The following CASP9 variants were observed in gnomAD, a reference collection of about 807,000 sequenced individuals.
CASP9 encodes caspase-9.
Under a neutral mutation model 43.5 loss-of-function variants are expected in CASP9, and 29 were observed. The ratio of observed to expected loss-of-function variants is 0.67; its 90% CI spans 0.50 to 0.91. The LOEUF is 0.91. Ranked by LOEUF, CASP9 falls within the 40% of genes least tolerant of loss-of-function variation. The pLI is 0.00. For missense variants in CASP9, 575 were observed against 537.4 expected (o/e 1.07, Z -0.69); for synonymous variants, 206 against 211.9 (o/e 0.97, Z 0.24).
intron 6 of CASP9, among the ~76,000 whole-genome samples, chr1:15,503,550 C>G (rs931569194): frequency 7.2e-5 from 11 of 152,320 alleles, no homozygotes; most frequent in Admixed American, 2.0e-4. Context: ...TAACGCACAG[C>G]CTGGTATATA....
upstream of CASP9, chr1:15,524,313 CCCGGGT>C (rs1336115204): frequency 2.1e-6 from 3 of 1,460,048 alleles, no homozygotes; most frequent in Middle Eastern, 2.5e-4. Flanking sequence ...GCGTCACGGC[CCCGGGT>C]CAGTCTTCGC....
chr1:15,507,003 C>T lies in CASP9; in HGVS notation c.526G>A (p.Gly176Arg), dbSNP rs2308949. Residue 176 changes from glycine (G) to arginine (R), a missense_variant, in exon 4 of 9, where the codon GGG (glycine) becomes AGG (arginine). Coordinates refer to ENST00000333868, the MANE Select transcript of CASP9 (RefSeq NM_001229.5). ...INNVNFCRES[G>R]LRTRTGSNID... ...TTGGAGCCAGTGCGGGTGCGGAGCC[C>T]GGACTCACGGCAGAAGTTCACATTG... is the stretch of plus-strand genomic sequence containing the variant. 10 of 1,614,066 alleles carry T rather than the reference C, an allele frequency of 6.2e-6. No individual in the cohort carries two copies. Among genetic ancestry groups the T allele is most frequent in the South Asian group, 5.5e-5 (5 of 91,086 alleles).
At chr1:15,510,212 G>A (rs1028667178) in intron 2 of CASP9, among the ~76,000 whole-genome samples, 5 of 152,204 alleles carry the variant, frequency 3.3e-5, no homozygotes, top group East Asian at 1.9e-4. Context: ...TTACAGGCAT[G>A]AGCCACCACG....
chr1:15,495,340 G>T lies in CASP9; in HGVS notation c.981C>A (p.Asp327Glu). 3.1e-6 allele frequency: 5 copies of T among 1,610,836 alleles called. No homozygotes were observed. Among genetic ancestry groups the T allele is most frequent in the Non-Finnish European group, 4.2e-6 (5 of 1,179,042 alleles). The change falls in exon 7 of 9, where the codon GAC (aspartate) becomes GAA (glutamate). Residue 327 changes from aspartate to glutamate, a missense_variant. Transcript: ENST00000333868. The stretch of plus-strand genomic sequence containing the variant: ...GCAAACTAGATATGGCGTCCAGCTG[G>T]TCGAAGGTCCTCAAACCTTCCTGGA... ...TPFQEGLRTF[D>E]QLDAISSLPT...
At position 15,495,425 on chromosome 1, in the gene CASP9, GC is replaced by G; in HGVS notation, c.895del (p.Ala299ProfsTer25). ...GEQKDHGFEV[A>X]STSPEDESPG... ...GGACTCGTCTTCAGGGGAAGTGGAG[GC>G]CACCTCAAACCCATGGTCTTTCTGC... On this transcript the variant is annotated frameshift_variant, in exon 7 of 9. Transcript: ENST00000333868. LOFTEE classifies it high-confidence loss of function. 1 of 1,603,250 alleles carries G rather than the reference GC, an allele frequency of 6.2e-7. No individual in the cohort carries two copies. The highest frequency in any genetic ancestry group is 8.5e-7 in the Non-Finnish European group (1 of 1,174,814).
In CASP9 at chr1:15,491,410, G is replaced by A; in HGVS notation, c.*1533C>T. On this transcript the variant is annotated 3_prime_UTR_variant, in exon 9 of 9. Coordinates refer to ENST00000333868, the MANE Select transcript of CASP9 (RefSeq NM_001229.5). ...AACTATGCAAATCACATCTTGATGA[G>A]GGTTTTATTATTATTATTAATTCAG... is the stretch of plus-strand genomic sequence containing the variant. 2.7e-6 allele frequency: 4 copies of A among 1,466,940 alleles called. No individual in the cohort carries two copies. The highest frequency in any genetic ancestry group is 2.9e-6 in the Non-Finnish European group (3 of 1,050,510). 90.9% of individuals were successfully genotyped at this position (1,466,940 alleles called of 1,614,324 possible).
chr1:15,522,785 G>A (rs1710258250), intron 1 of CASP9, among the ~76,000 whole-genome samples: 1 of 152,238 alleles, frequency 6.6e-6, no homozygotes, highest in Admixed American at 6.5e-5. Flanking sequence ...ACGGAGGGCA[G>A]TGCAAAGGCT....
Position 15,506,908 on chromosome 1 carries a change from C to T in CASP9, c.621G>A (p.Leu207=). The T allele has an allele frequency of 1.9e-6, 3 of 1,613,400 alleles. No individual in the cohort carries two copies. Among genetic ancestry groups the T allele is most frequent in the Non-Finnish European group, 2.5e-6 (3 of 1,179,484 alleles). The change falls in exon 4 of 9, where the codon CTG becomes CTA. Residue 207 remains leucine, a synonymous_variant. Coordinates refer to ENST00000333868, the MANE Select transcript of CASP9 (RefSeq NM_001229.5). ...LHFMVEVKGD[L]TAKKMVLALL... is the part of the protein sequence containing the mutation. ...CAGATAGTGAGTGTACCTTGGCAGTCAGGTCGCCCTTCACCTCCACCATGA... is the reference window on the plus strand; with the variant it reads ...CAGATAGTGAGTGTACCTTGGCAGTTAGGTCGCCCTTCACCTCCACCATGA...
chr1:15,493,040 A>G lies in CASP9; in HGVS notation c.1159-5T>C, dbSNP rs1459979513. Reference sequence around the variant, plus strand: ...CACCGAAACAGCATTAGCGACCTGTAAGACATGACCATGGAGAGCTCTGTG... The same window carrying G: ...CACCGAAACAGCATTAGCGACCTGTGAGACATGACCATGGAGAGCTCTGTG... On this transcript the variant is annotated splice_region_variant and splice_polypyrimidine_tract_variant and intron_variant, in intron 8 of 8. Transcript: ENST00000333868. The G allele has an allele frequency of 1.2e-6, 2 of 1,614,030 alleles. No individual in the cohort carries two copies. The highest frequency in any genetic ancestry group is 1.7e-6 in the Non-Finnish European group (2 of 1,180,040).
intron 2 of CASP9, among the ~76,000 whole-genome samples, chr1:15,514,916 A>C (rs1177019166): frequency 6.6e-6 from 1 of 152,048 alleles, no homozygotes; most frequent in African/African-American, 2.4e-5. Flanking sequence ...GAGGTGAGAG[A>C]ATTGTTTGAA....
chr1:15,509,460 CAAAAAAA>C (rs563284288), intron 2 of CASP9, among the ~76,000 whole-genome samples: 3 of 105,670 alleles, frequency 2.8e-5, no homozygotes, highest in Non-Finnish European at 5.8e-5. Flanking sequence ...ACTAAAAATA[CAAAAAAA>C]AAAAAAAAAA....
At chr1:15,524,604 CG>C, upstream of CASP9, 1 of 1,011,022 alleles carries the variant, frequency 9.9e-7, no homozygotes, top group East Asian at 1.3e-4. Flanking sequence ...GCCCCGCCCC[CG>C]CGTTACCGTC....
intron 5 of CASP9, 117 bp downstream of exon 5, chr1:15,505,873 G>C (rs1331974410): frequency 1.2e-6 from 1 of 830,038 alleles, no homozygotes; most frequent in African/African-American, 1.7e-5. Flanking sequence ...GGGCCCCACA[G>C]CCCTTTTCCA....
chr1:15,514,574 T>C (rs995206196), intron 2 of CASP9, among the ~76,000 whole-genome samples: 1 of 152,208 alleles, frequency 6.6e-6, no homozygotes, highest in African/African-American at 2.4e-5. Context: ...TTTGTGACTG[T>C]TGCTCTCAGA....
chr1:15,504,741 G>A lies in CASP9; in HGVS notation c.738C>T (p.Phe246=). The A allele has an allele frequency of 6.2e-7, 1 of 1,613,382 alleles. No homozygotes were observed. The highest frequency in any genetic ancestry group is 8.5e-7 in the Non-Finnish European group (1 of 1,179,730). The change falls in exon 6 of 9, where the codon TTC becomes TTT. Residue 246 remains phenylalanine, a synonymous_variant. Coordinates refer to ENST00000333868, the MANE Select transcript of CASP9 (RefSeq NM_001229.5). ...CATCTGTGCCGTAGACAGCCCCTGG[G>A]AACTGCAGGTGGCTGGCCTAGAAGA... The part of the protein sequence containing the change: ...SHGCQASHLQ[F]PGAVYGTDGC...
upstream of CASP9, chr1:15,524,652 C>A: frequency 1.9e-6 from 2 of 1,061,954 alleles, no homozygotes; most frequent in South Asian, 5.1e-5. Context: ...CTCGCCCCGC[C>A]CCAAGGATTC....
At chr1:15,521,278 A>G (rs796763317) in intron 1 of CASP9, among the ~76,000 whole-genome samples, 14 of 152,040 alleles carry the variant, frequency 9.2e-5, no homozygotes, top group African/African-American at 3.1e-4. Flanking sequence ...TCAAAAAAAA[A>G]AAAAAAAGAA....
At chr1:15,508,884 A>G (rs898320677) in intron 2 of CASP9, among the ~76,000 whole-genome samples, 1 of 152,044 alleles carries the variant, frequency 6.6e-6, no homozygotes, top group Non-Finnish European at 1.5e-5. Flanking sequence ...TTTTGTTACC[A>G]CAAGACAGTA....
intron 6 of CASP9, among the ~76,000 whole-genome samples, chr1:15,503,069 C>T (rs1275131882): frequency 6.6e-6 from 1 of 152,136 alleles, no homozygotes; most frequent in African/African-American, 2.4e-5. Context: ...AATCACTGTA[C>T]ACACACCAAT....
Sources: allele counts gnomAD v4.1 joint callset (sites outside exome capture counted in the v4.1 genomes callset), GRCh38; gene constraint gnomAD v4.1.1; transcripts MANE v1.5; gene names NCBI Gene and HGNC (gene_info 2026-07-23, HGNC 2026-07-21).